VEZT: variants seen among roughly 807,000 people sequenced by gnomAD.
The protein encoded by VEZT is vezatin.
In VEZT, 39 loss-of-function variants were observed where a neutral mutation model predicts 79.9. The ratio of observed to expected loss-of-function variants is 0.49; its 90% CI spans 0.38 to 0.64. VEZT has a LOEUF of 0.64. Ranked by LOEUF, VEZT falls within the 30% of genes least tolerant of loss-of-function variation. VEZT has a pLI of 0.00. For missense variants in VEZT, 837 were observed against 893.1 expected (o/e 0.94, Z 0.80); for synonymous variants, 325 against 327.6 (o/e 0.99, Z 0.09).
chr12:95,252,466 A>C (rs2062759367), intron 2 of VEZT: 1 of 153,924 alleles, frequency 6.5e-6, no homozygotes, highest in Non-Finnish European at 1.4e-5. Context: ...ATATTTCTTA[A>C]ACACAGTTTC....
intron 1 of VEZT, among the ~76,000 whole-genome samples, chr12:95,250,089 A>G (rs1330948268): frequency 6.8e-6 from 1 of 147,822 alleles, no homozygotes; most frequent in East Asian, 2.0e-4. Flanking sequence ...TTATACTTTA[A>G]GTTTTAGGGT....
chr12:95,297,625 G>C (rs1473991865), intron 11 of VEZT, among the ~76,000 whole-genome samples: 1 of 152,102 alleles, frequency 6.6e-6, no homozygotes, highest in Non-Finnish European at 1.5e-5. Context: ...CTGCATTGAT[G>C]ATGGCTCTCT....
In VEZT at chr12:95,220,284, A is replaced by C. The variant is rs145620338; in HGVS notation, c.36+2398A>C. ...AGCCTGGACAACATGGTGAAACCCT[A>C]TCTCTACAAAAAAGACAAAAATTAT... On this transcript the variant is annotated intron_variant, in intron 1 of 11. Transcript: ENST00000436874. 3.0e-3 allele frequency among the ~76,000 whole-genome samples: 464 copies of C among 152,188 alleles called. 2 individuals are homozygous for C. The highest frequency in any genetic ancestry group is 4.9e-3 in the Non-Finnish European group (335 of 67,988).
intron 2 of VEZT, among the ~76,000 whole-genome samples, chr12:95,253,909 G>A (rs2063024969): frequency 1.3e-5 from 2 of 151,998 alleles, no homozygotes; most frequent in Admixed American, 1.3e-4. Flanking sequence ...AGACCAGCTG[G>A]GGCAACATAG....
rs182113575 is a variant in VEZT, at chr12:95,296,451, T to G, written c.1831+193T>G. ...TAGGAATGTAACCACATTGGAAATA[T>G]GAAGTCATACTTTTTTATGAGTTAT... On this transcript the variant is annotated intron_variant, in intron 11 of 11. Coordinates refer to ENST00000436874, the MANE Select transcript of VEZT (RefSeq NM_017599.4). 5 of 415,970 alleles carry G rather than the reference T, an allele frequency of 1.2e-5. No homozygotes were observed. The Admixed American group carries it at 1.3e-4, about 11-fold the overall frequency. 25.8% of individuals were successfully genotyped at this position (415,970 alleles called of 1,614,324 possible). A position where few individuals can be genotyped will look rare whatever the true frequency, so the allele number is the denominator to read the frequency against.
At chr12:95,280,584 T>A (rs1030501997) in intron 7 of VEZT, among the ~76,000 whole-genome samples, 5 of 150,694 alleles carry the variant, frequency 3.3e-5, no homozygotes, top group African/African-American at 1.2e-4. Flanking sequence ...GTTTTTCCCA[T>A]CAACCAAGAA....
intron 1 of VEZT, among the ~76,000 whole-genome samples, chr12:95,238,388 A>G (rs2060462811): frequency 6.6e-6 from 1 of 152,184 alleles, no homozygotes; most frequent in African/African-American, 2.4e-5. Flanking sequence ...AACTATTTTT[A>G]GTGTTACTAC....
intron 1 of VEZT, among the ~76,000 whole-genome samples, chr12:95,251,309 C>A (rs1429185417): frequency 3.9e-5 from 6 of 152,202 alleles, no homozygotes; most frequent in Non-Finnish European, 8.8e-5. Flanking sequence ...CTGTGCCCAG[C>A]AGATTGTATT....
intron 1 of VEZT, among the ~76,000 whole-genome samples, chr12:95,237,256 CT>C (rs1328145878): frequency 6.6e-6 from 1 of 152,022 alleles, no homozygotes; most frequent in East Asian, 1.9e-4. Flanking sequence ...TTCCTCATAT[CT>C]AAAATGAGCC....
At chr12:95,286,791 A>G (rs770365771) in intron 8 of VEZT, 2 of 468,058 alleles carry the variant, frequency 4.3e-6, no homozygotes, top group Admixed American at 2.6e-5. Flanking sequence ...TTACTTTTCC[A>G]TTCTGTTTCT....
intron 1 of VEZT, among the ~76,000 whole-genome samples, chr12:95,241,652 A>C (rs1030072450): frequency 6.6e-6 from 1 of 152,094 alleles, no homozygotes; most frequent in African/African-American, 2.4e-5. Context: ...GAAATTGCCA[A>C]ATGTGGGGAG....
intron 1 of VEZT, among the ~76,000 whole-genome samples, chr12:95,241,194 G>A (rs539424983): frequency 8.2e-4 from 124 of 152,018 alleles, no homozygotes; most frequent in African/African-American, 2.5e-3. Context: ...CACCACGCCC[G>A]GCTAATTTTT....
chr12:95,263,894 G>T (rs2065008451), intron 4 of VEZT: 1 of 151,814 alleles, frequency 6.6e-6, no homozygotes, highest in African/African-American at 2.4e-5. Context: ...TCAACCTCTT[G>T]AACTATTTGG....
chr12:95,290,864 A>G (rs940686405), intron 9 of VEZT: 7 of 152,150 alleles, frequency 4.6e-5, no homozygotes, highest in African/African-American at 1.4e-4. Flanking sequence ...ATATCTACAT[A>G]TATATTGTGG....
chr12:95,266,519 A>T lies in VEZT; in HGVS notation c.597A>T (p.Lys199Asn), dbSNP rs776087378. The T allele has an allele frequency of 6.2e-7, 1 of 1,613,980 alleles. No homozygotes were observed. Among genetic ancestry groups the T allele is most frequent in the East Asian group, 2.2e-5 (1 of 44,876 alleles). ...CCAAACTACAAGTGACCCTAAAAAAATACAGCGTTCATTTGGAAGATATGG... is the reference window on the plus strand; with the variant it reads ...CCAAACTACAAGTGACCCTAAAAAATTACAGCGTTCATTTGGAAGATATGG... ...RTAKLQVTLKKYSVHLEDMAT... is the reference protein window; with the variant it reads ...RTAKLQVTLKNYSVHLEDMAT... Residue 199 changes from lysine to asparagine, a missense_variant, in exon 5 of 12, where the codon AAA becomes AAT. Coordinates refer to ENST00000436874, the MANE Select transcript of VEZT (RefSeq NM_017599.4).
intron 1 of VEZT, among the ~76,000 whole-genome samples, chr12:95,239,303 C>A (rs2060582008): frequency 6.6e-6 from 1 of 152,146 alleles, no homozygotes; most frequent in Admixed American, 6.5e-5. Context: ...TCTTGTATAT[C>A]CCCAGAGAGA....
At chr12:95,286,777 T>G (rs2071007101) in intron 8 of VEZT, 1 of 462,846 alleles carries the variant, frequency 2.2e-6, no homozygotes, top group Non-Finnish European at 4.3e-6. Flanking sequence ...CCTCTTCAAC[T>G]TTTTTACTTT....
At position 95,300,520 on chromosome 12, in the gene VEZT, A is replaced by G; in HGVS notation, c.2187A>G (p.Leu729=). The change falls in exon 12 of 12, where the codon CTA becomes CTG. Residue 729 remains leucine (L), a synonymous_variant. Coordinates refer to ENST00000436874, the MANE Select transcript of VEZT (RefSeq NM_017599.4). The part of the protein sequence containing the change: ...QPSIKQRLAR[L]QLSPDFTFTA... Reference sequence around the variant, plus strand: ...CCATTAAGCAGAGGCTGGCACGGCTACAGCTGTCACCAGATTTTACCTTCA... The same window carrying G: ...CCATTAAGCAGAGGCTGGCACGGCTGCAGCTGTCACCAGATTTTACCTTCA... The G allele has an allele frequency of 1.9e-6, 3 of 1,613,980 alleles. No homozygotes were observed. The highest frequency in any genetic ancestry group is 2.5e-6 in the Non-Finnish European group (3 of 1,179,888).
chr12:95,227,321 C>G (rs1359028640), intron 1 of VEZT, among the ~76,000 whole-genome samples: 5 of 144,764 alleles, frequency 3.5e-5, no homozygotes, highest in Non-Finnish European at 7.4e-5. Flanking sequence ...CCATCATGCC[C>G]TACTAATTTT....
Sources: allele counts gnomAD v4.1 joint callset (sites outside exome capture counted in the v4.1 genomes callset), GRCh38; gene constraint gnomAD v4.1.1; transcripts MANE v1.5; gene names NCBI Gene and HGNC (gene_info 2026-07-23, HGNC 2026-07-21).